Variants in PLD5 observed in about 807,000 individuals in gnomAD.
The protein encoded by PLD5 is inactive phospholipase D5.
Under a neutral mutation model 61.1 loss-of-function variants are expected in PLD5, and 36 were observed. The ratio of observed to expected loss-of-function variants is 0.59; its 90% CI spans 0.45 to 0.78. The LOEUF is 0.78. PLD5 is among the 30% of genes least tolerant of loss of function. The probability of loss-of-function intolerance (pLI) is 0.00; values close to 1 mark genes in which losing one functional copy is unlikely to be tolerated. For synonymous variants in PLD5, 243 were observed against 242.8 expected (o/e 1.00, Z -0.01); for missense variants, 515 against 644.4 (o/e 0.80, Z 2.17).
chr1:242,517,835 T>C (rs1669152315), intron 1 of PLD5, among the ~76,000 whole-genome samples: 1 of 152,218 alleles, frequency 6.6e-6, no homozygotes, highest in South Asian at 2.1e-4. Context: ...TAACACAGTA[T>C]CTTTCACATG....
At chr1:242,308,999 G>GA (rs2149171119) in intron 2 of PLD5, among the ~76,000 whole-genome samples, 1 of 152,234 alleles carries the variant, frequency 6.6e-6, no homozygotes, top group African/African-American at 2.4e-5. Flanking sequence ...CGGGGAAAAA[G>GA]ATGAGAAGAT....
chr1:242,310,536 A>G (rs2149173073), intron 2 of PLD5, among the ~76,000 whole-genome samples: 1 of 152,268 alleles, frequency 6.6e-6, no homozygotes, highest in Admixed American at 6.5e-5. Context: ...TGGTCACACC[A>G]CTTAGTTTTC....
intron 4 of PLD5, among the ~76,000 whole-genome samples, chr1:242,242,934 G>A (rs957246407): frequency 1.3e-5 from 2 of 152,224 alleles, no homozygotes; most frequent in Admixed American, 1.3e-4. Context: ...TTTATTACTA[G>A]AGAGTCTGTG....
At chr1:242,142,460 G>A (rs372550688) in intron 5 of PLD5, among the ~76,000 whole-genome samples, 3 of 152,160 alleles carry the variant, frequency 2.0e-5, no homozygotes, top group Admixed American at 1.3e-4. Flanking sequence ...TTTCCAAATG[G>A]GAGCAACGTA....
chr1:242,326,368 G>A (rs1395548076), intron 2 of PLD5, among the ~76,000 whole-genome samples: 1 of 152,070 alleles, frequency 6.6e-6, no homozygotes, highest in East Asian at 1.9e-4. Context: ...GCTCAAAGTT[G>A]TTCTTCCTTT....
chr1:242,266,574 A>G lies in PLD5; in HGVS notation c.496-1126T>C, dbSNP rs572847860. The stretch of plus-strand genomic sequence containing the variant: ...ATAGACTCCCGTCTGTCTCCTTATC[A>G]TAAAAGGAAAATGGTCTTCTTGTAT... On this transcript the variant is annotated intron_variant, in intron 3 of 9. Transcript: ENST00000536534. Among the ~76,000 whole-genome samples the G allele has an allele frequency of 7.9e-5, 12 of 152,310 alleles. No homozygotes were observed. The South Asian group carries it at 2.3e-3, about 29-fold the overall frequency.
At chr1:242,441,496 A>C (rs912381635) in intron 1 of PLD5, among the ~76,000 whole-genome samples, 1 of 152,144 alleles carries the variant, frequency 6.6e-6, no homozygotes, top group Non-Finnish European at 1.5e-5. Context: ...TTAAAAAAAA[A>C]TTAATTTGGC....
At chr1:242,476,030 C>T (rs1402495753) in intron 1 of PLD5, among the ~76,000 whole-genome samples, 1 of 152,192 alleles carries the variant, frequency 6.6e-6, no homozygotes, top group African/African-American at 2.4e-5. Context: ...TGGTATTTTG[C>T]TACGCCCTAG....
intron 8 of PLD5, among the ~76,000 whole-genome samples, chr1:242,104,669 A>G (rs1465225543): frequency 6.6e-6 from 1 of 152,062 alleles, no homozygotes; most frequent in African/African-American, 2.4e-5. Flanking sequence ...TCACTGGGTA[A>G]TTGTAAATAT....
chr1:242,483,699 C>T (rs1002385936), intron 1 of PLD5, among the ~76,000 whole-genome samples: 4 of 152,108 alleles, frequency 2.6e-5, no homozygotes, highest in Non-Finnish European at 4.4e-5. Context: ...CAGCTCTGCA[C>T]CAAGCAGACC....
intron 1 of PLD5, among the ~76,000 whole-genome samples, chr1:242,450,638 G>C (rs1470891785): frequency 6.6e-6 from 1 of 152,134 alleles, no homozygotes; most frequent in East Asian, 1.9e-4. Context: ...TCATCCCCAG[G>C]AATATAATTT....
chr1:242,267,888 T>TAAAA lies in PLD5; in HGVS notation c.496-2444_496-2441dup, dbSNP rs552931193. Among the ~76,000 whole-genome samples, 652 of 109,662 alleles carry TAAAA rather than the reference T, an allele frequency of 5.9e-3. 3 individuals are homozygous for TAAAA. The highest frequency in any genetic ancestry group is 0.019 in the African/African-American group (600 of 31,236). The allele number at this position is 109,662 out of a possible 152,430, so 71.9% of individuals were successfully genotyped here. Reference sequence around the variant, plus strand: ...ACAGCTAGACCCCATCTCCAAAAATTAAAAAAAAAAAAAAAGAGGCAGGAG... The same window carrying TAAAA: ...ACAGCTAGACCCCATCTCCAAAAATTAAAAAAAAAAAAAAAAAAAGAGGCAGGAG... On this transcript the variant is annotated intron_variant, in intron 3 of 9. Transcript: ENST00000536534.
chr1:242,421,137 G>A (rs889456572), intron 1 of PLD5, among the ~76,000 whole-genome samples: 6 of 130,252 alleles, frequency 4.6e-5, no homozygotes, highest in Non-Finnish European at 7.6e-5. Flanking sequence ...CCGAGATCAC[G>A]CCACTGCACT....
At position 242,313,831 on chromosome 1, in the gene PLD5, C is replaced by T. The variant is rs376698849; in HGVS notation, c.327-25301G>A. Among the ~76,000 whole-genome samples, 211 of 148,954 alleles carry T rather than the reference C, an allele frequency of 1.4e-3. 1 individual carries two copies. Among genetic ancestry groups the T allele is most frequent in the African/African-American group, 4.4e-3 (179 of 40,912 alleles). On this transcript the variant is annotated intron_variant, in intron 2 of 9. Transcript: ENST00000536534. Reference sequence around the variant, plus strand: ...TTCATTGATCTTGCACTAGGGAACACGCTGCTAAGTCAATGAGCTGCAGTG... The same window carrying T: ...TTCATTGATCTTGCACTAGGGAACATGCTGCTAAGTCAATGAGCTGCAGTG...
intron 1 of PLD5, among the ~76,000 whole-genome samples, chr1:242,356,772 A>G (rs1022349111): frequency 2.0e-4 from 31 of 152,182 alleles, no homozygotes; most frequent in South Asian, 1.5e-3. Context: ...TCTACTTCAA[A>G]CTGATAACAG....
intron 5 of PLD5, among the ~76,000 whole-genome samples, chr1:242,142,615 T>C (rs879421672): frequency 3.3e-5 from 5 of 152,006 alleles, no homozygotes; most frequent in Non-Finnish European, 5.9e-5. Flanking sequence ...TAAGAACCTA[T>C]AGCTATCCAC....
chr1:242,099,600 C>T (rs759459915), intron 9 of PLD5, among the ~76,000 whole-genome samples: 3 of 152,150 alleles, frequency 2.0e-5, no homozygotes, highest in East Asian at 1.9e-4. Flanking sequence ...ATGCCAGACC[C>T]GGCTCCTTCC....
chr1:242,291,650 C>CA (rs1675372599), intron 2 of PLD5, among the ~76,000 whole-genome samples: 1 of 151,818 alleles, frequency 6.6e-6, no homozygotes, highest in Non-Finnish European at 1.5e-5. Flanking sequence ...ACTAAAAATA[C>CA]AAAAAATTAG....
intron 4 of PLD5, among the ~76,000 whole-genome samples, chr1:242,244,341 C>T (rs1672237140): frequency 6.6e-6 from 1 of 152,126 alleles, no homozygotes; most frequent in South Asian, 2.1e-4. Context: ...GACTTGGTCC[C>T]TGTTCATGGG....
Sources: gnomAD v4.1 joint callset for allele counts (sites outside exome capture counted in the v4.1 genomes callset) on GRCh38, gnomAD v4.1.1 for gene constraint, MANE v1.5 for transcripts, NCBI Gene and HGNC (gene_info 2026-07-23, HGNC 2026-07-21) for gene names.